The following PARD3B variants were observed in gnomAD, a reference collection of about 807,000 sequenced individuals.
PARD3B encodes par-3 family cell polarity regulator beta.
A neutral mutation model predicts 130.2 loss-of-function variants in PARD3B; 103 were observed. The observed-to-expected ratio is 0.79, with a 90% CI of 0.67 to 0.93. PARD3B has a LOEUF of 0.93. Ranked by LOEUF, PARD3B falls within the 40% of genes least tolerant of loss-of-function variation. The probability of loss-of-function intolerance (pLI) is 0.00; values close to 1 mark genes in which losing one functional copy is unlikely to be tolerated. For synonymous variants in PARD3B, 583 were observed against 553.2 expected (o/e 1.05, Z -0.76); for missense variants, 1,609 against 1,499.2 (o/e 1.07, Z -1.21).
At position 205,616,698 on chromosome 2, in the gene PARD3B, T is replaced by C. The variant is rs1050893177; in HGVS notation, c.*885T>C. On this transcript the variant is annotated 3_prime_UTR_variant, in exon 23 of 23. Coordinates refer to ENST00000406610, the MANE Select transcript of PARD3B (RefSeq NM_001302769.2). ...CTGCCTATAATTACTTTAACTGGGG[T>C]CTCTAAGGTTCCCACTTGAGGGCTA... 6.6e-6 allele frequency: 1 copy of C among 152,040 alleles called. No individual in the cohort carries two copies. The highest frequency in any genetic ancestry group is 6.6e-5 in the Admixed American group (1 of 15,254). 9.4% of individuals were successfully genotyped at this position (152,040 alleles called of 1,614,324 possible).
At chr2:204,743,661 G>A (rs972684197) in intron 2 of PARD3B, among the ~76,000 whole-genome samples, 2 of 152,060 alleles carry the variant, frequency 1.3e-5, no homozygotes, top group Admixed American at 1.3e-4. Context: ...ATAGCTTCCT[G>A]AGTGGCCTTT....
chr2:205,466,261 C>G (rs1350022370), intron 20 of PARD3B, among the ~76,000 whole-genome samples: 1 of 152,162 alleles, frequency 6.6e-6, no homozygotes, highest in East Asian at 1.9e-4. Context: ...CTTTTTATAA[C>G]CTTCCAAAAT....
At chr2:204,651,811 C>G (rs2035487952) in intron 1 of PARD3B, among the ~76,000 whole-genome samples, 1 of 152,228 alleles carries the variant, frequency 6.6e-6, no homozygotes, top group South Asian at 2.1e-4. Flanking sequence ...TAGGCAGAGG[C>G]TCCCAAAGCT....
At chr2:204,736,418 G>GC (rs1328237756) in intron 2 of PARD3B, among the ~76,000 whole-genome samples, 3 of 151,704 alleles carry the variant, frequency 2.0e-5, no homozygotes, top group African/African-American at 4.8e-5. Context: ...TTTATCGCTA[G>GC]CCCCCCCTTT....
chr2:205,312,244 G>T (rs1419272605), intron 18 of PARD3B, among the ~76,000 whole-genome samples: 3 of 152,162 alleles, frequency 2.0e-5, no homozygotes, highest in Non-Finnish European at 2.9e-5. Context: ...AGCCAATGTA[G>T]CCAGGCCAAT....
chr2:204,840,027 C>T (rs1444396301), intron 2 of PARD3B, among the ~76,000 whole-genome samples: 1 of 152,104 alleles, frequency 6.6e-6, no homozygotes, highest in Non-Finnish European at 1.5e-5. Context: ...CCCAAAAGCA[C>T]ATATTCAGGG....
In PARD3B at chr2:205,345,796, A is replaced by G. The variant is rs1168380529; in HGVS notation, c.2630+44095A>G. Among the ~76,000 whole-genome samples, 2 of 27,624 alleles carry G rather than the reference A, an allele frequency of 7.2e-5. 1 individual carries two copies. Among genetic ancestry groups the G allele is most frequent in the Non-Finnish European group, 4.1e-4 (2 of 4,842 alleles). The allele number at this position is 27,624 out of a possible 152,430, so 18.1% of individuals were successfully genotyped here. A position where few individuals can be genotyped will look rare whatever the true frequency, so the allele number is the denominator to read the frequency against. The stretch of plus-strand genomic sequence containing the variant: ...AGAAACTGAATAGTTACAAGGGCAC[A>G]GTGGCAATTATGATGCTTTACAAAA... On this transcript the variant is annotated intron_variant, in intron 18 of 22. Coordinates refer to ENST00000406610, the MANE Select transcript of PARD3B (RefSeq NM_001302769.2).
At chr2:205,505,920 T>A (rs1024203329) in intron 21 of PARD3B, among the ~76,000 whole-genome samples, 20 of 152,182 alleles carry the variant, frequency 1.3e-4, no homozygotes, top group African/African-American at 4.8e-4. Flanking sequence ...GAAAGTTTAT[T>A]TATAAAAGAG....
chr2:205,049,164 T>C (rs533332833), intron 4 of PARD3B, among the ~76,000 whole-genome samples: 1 of 152,220 alleles, frequency 6.6e-6, no homozygotes, highest in African/African-American at 2.4e-5. Flanking sequence ...AGAAAGTCCC[T>C]GTATTTGCCC....
At chr2:204,663,186 G>A (rs749228734) in intron 1 of PARD3B, among the ~76,000 whole-genome samples, 5 of 152,144 alleles carry the variant, frequency 3.3e-5, no homozygotes, top group Non-Finnish European at 5.9e-5. Flanking sequence ...GGCCCTACTT[G>A]TTGGGCCACA....
At position 205,591,571 on chromosome 2, in the gene PARD3B, A is replaced by G. The variant is rs1287244363; in HGVS notation, c.3261-23885A>G. Among the ~76,000 whole-genome samples, 1 of 152,180 alleles carries G rather than the reference A, an allele frequency of 6.6e-6. No homozygotes were observed. Among genetic ancestry groups the G allele is most frequent in the Non-Finnish European group, 1.5e-5 (1 of 68,030 alleles). On this transcript the variant is annotated intron_variant, in intron 22 of 22. Coordinates refer to ENST00000406610, the MANE Select transcript of PARD3B (RefSeq NM_001302769.2). The surrounding 1 kb of genome is among the most constrained non-coding windows in gnomAD (Gnocchi z 4.2). ...CCCAATTTGACAGAGGAAGAAACAG[A>G]CTGTCTTACAGAGGAAACATTCGTT...
At chr2:204,680,764 A>G (rs1174958677) in intron 1 of PARD3B, among the ~76,000 whole-genome samples, 2 of 151,606 alleles carry the variant, frequency 1.3e-5, no homozygotes, top group Non-Finnish European at 2.9e-5. Context: ...TCAGTACTGT[A>G]TTTCCTAATT....
chr2:205,404,402 C>T (rs1418204383), intron 19 of PARD3B, among the ~76,000 whole-genome samples: 2 of 152,172 alleles, frequency 1.3e-5, no homozygotes, highest in Non-Finnish European at 2.9e-5. Context: ...GGGAGTCGAT[C>T]ATTCACAGAT....
At chr2:205,092,027 C>T (rs1374011219) in intron 4 of PARD3B, among the ~76,000 whole-genome samples, 4 of 152,018 alleles carry the variant, frequency 2.6e-5, no homozygotes, top group Non-Finnish European at 4.4e-5. Context: ...CTTGAATTCC[C>T]GTGTTCAATT....
chr2:205,210,234 T>A (rs13387252), intron 15 of PARD3B, among the ~76,000 whole-genome samples: 13,747 of 151,908 alleles, frequency 0.09, 874 homozygotes, highest in East Asian at 0.31. Flanking sequence ...TAAAATTTTT[T>A]AAAAAATAAA....
rs4045004 is a variant in PARD3B, at chr2:205,126,752, C to CAAAAAAAA, written c.1434+1043_1434+1050dup. 5.4e-4 allele frequency among the ~76,000 whole-genome samples: 40 copies of CAAAAAAAA among 74,452 alleles called. 3 individuals are homozygous for CAAAAAAAA. Among genetic ancestry groups the CAAAAAAAA allele is most frequent in the African/African-American group, 1.7e-3 (27 of 15,452 alleles). 48.8% of individuals were successfully genotyped at this position (74,452 alleles called of 152,430 possible). On this transcript the variant is annotated intron_variant, in intron 10 of 22. Coordinates refer to ENST00000406610, the MANE Select transcript of PARD3B (RefSeq NM_001302769.2). Reference sequence around the variant, plus strand: ...TGGGCGACAGAGCGAGACTCCGTCTCAAAAAAAAAAAAAAAAAAAAAAAAA... The same window carrying CAAAAAAAA: ...TGGGCGACAGAGCGAGACTCCGTCTCAAAAAAAAAAAAAAAAAAAAAAAAAAAAAAAAA...
chr2:205,460,502 T>C lies in PARD3B; in HGVS notation c.3044+19830T>C, dbSNP rs907416741. Among the ~76,000 whole-genome samples the C allele has an allele frequency of 1.3e-5, 2 of 152,160 alleles. No individual in the cohort carries two copies. The highest frequency in any genetic ancestry group is 4.8e-5 in the African/African-American group (2 of 41,432). ...GCATTGAGGTACTTTACATGCAATA[T>C]GATGTCTCTTGAGCAACATTTAACT... On this transcript the variant is annotated intron_variant, in intron 20 of 22. Coordinates refer to ENST00000406610, the MANE Select transcript of PARD3B (RefSeq NM_001302769.2). The surrounding 1 kb of genome is among the most constrained non-coding windows in gnomAD (Gnocchi z 4.9).
intron 10 of PARD3B, among the ~76,000 whole-genome samples, chr2:205,155,956 T>C (rs1399128182): frequency 1.3e-5 from 2 of 152,106 alleles, no homozygotes; most frequent in African/African-American, 4.8e-5. Context: ...TAAAGACACA[T>C]GCACACGTAT....
At chr2:205,524,170 G>T (rs1219208848) in intron 21 of PARD3B, among the ~76,000 whole-genome samples, 2 of 152,054 alleles carry the variant, frequency 1.3e-5, no homozygotes, top group East Asian at 1.9e-4. Flanking sequence ...ATTTGTCAGG[G>T]TTTTGGTCTC....
Sources: allele counts gnomAD v4.1 joint callset (sites outside exome capture counted in the v4.1 genomes callset), GRCh38; gene constraint gnomAD v4.1.1; non-coding constraint Gnocchi (gnomAD v3.1); transcripts MANE v1.5; gene names NCBI Gene and HGNC (gene_info 2026-07-23, HGNC 2026-07-21).